LLGL2: variants seen among roughly 807,000 people sequenced by gnomAD.
LLGL2 encodes the protein LLGL scribble cell polarity complex component 2.
LLGL2 carries 81 observed loss-of-function variants against 123.2 expected under a neutral mutation model. The observed-to-expected ratio is 0.66, with a 90% CI of 0.55 to 0.79. LLGL2 has a LOEUF of 0.79. Ranked by LOEUF, LLGL2 falls within the 30% of genes least tolerant of loss-of-function variation. The pLI, the probability that LLGL2 is intolerant of heterozygous loss-of-function variation, is 0.00. For missense variants in LLGL2, 1,273 were observed against 1,414.6 expected, an observed-to-expected ratio of 0.90 and a Z score of 1.61; for synonymous variants, 577 against 594.1, an observed-to-expected ratio of 0.97 and a Z score of 0.42.
At chr17:75,553,912 G>A (rs1360867244) in intron 2 of LLGL2, among the ~76,000 whole-genome samples, 3 of 152,086 alleles carry the variant, frequency 2.0e-5, no homozygotes, top group African/African-American at 7.2e-5. Flanking sequence ...CATGGTTGTT[G>A]GATTGCAAAC....
At position 75,544,728 on chromosome 17, in the gene LLGL2, G is replaced by T. The variant is rs2054351139; in HGVS notation, c.75+1227G>T. ...AGGGACCTCCCTGACCTCCCCGTTG[G>T]GAGAGGTGGGTCAGCGCTCCCAATG... On this transcript the variant is annotated intron_variant, in intron 2 of 25. Coordinates refer to ENST00000392550, the MANE Select transcript of LLGL2 (RefSeq NM_001031803.2). The surrounding 1 kb of genome is among the most constrained non-coding windows in gnomAD (Gnocchi z 4.2). Among the ~76,000 whole-genome samples the T allele has an allele frequency of 6.6e-6, 1 of 152,170 alleles. No individual in the cohort carries two copies. Among genetic ancestry groups the T allele is most frequent in the African/African-American group, 2.4e-5 (1 of 41,450 alleles).
intron 1 of LLGL2, among the ~76,000 whole-genome samples, chr17:75,537,549 T>C (rs1283424255): frequency 6.6e-6 from 1 of 151,942 alleles, no homozygotes; most frequent in African/African-American, 2.4e-5. Context: ...AACAAAAAAA[T>C]TAGCCAGGCA....
rs753674832 is a variant in LLGL2, at chr17:75,558,288, C to T, written c.255+52C>T. On this transcript the variant is annotated intron_variant, in intron 4 of 25. Transcript: ENST00000392550. This position sits in a 1 kb window ranked among gnomAD's most constrained non-coding sequence, Gnocchi z 4.0. ...GCCACTTCCATGCCCTCCTTGCCTTCACTGCTTCCAGCAGGGCTGGTGTGG... is the reference window on the plus strand; with the variant it reads ...GCCACTTCCATGCCCTCCTTGCCTTTACTGCTTCCAGCAGGGCTGGTGTGG... The T allele has an allele frequency of 4.6e-6, 7 of 1,529,780 alleles. No homozygotes were observed. Among genetic ancestry groups the T allele is most frequent in the Non-Finnish European group, 6.3e-6 (7 of 1,112,660 alleles). The allele number at this position is 1,529,780 out of a possible 1,614,324, so 94.8% of individuals were successfully genotyped here.
chr17:75,532,055 T>TACAC (rs10526094), intron 1 of LLGL2, among the ~76,000 whole-genome samples: 24 of 93,754 alleles, frequency 2.6e-4, no homozygotes, highest in East Asian at 5.1e-4. Context: ...TATGTATATA[T>TACAC]ACACACACAC....
chr17:75,554,986 T>C (rs778432001), intron 2 of LLGL2, among the ~76,000 whole-genome samples: 1 of 149,218 alleles, frequency 6.7e-6, no homozygotes, highest in Non-Finnish European at 1.5e-5. Context: ...GGTCAGGAGA[T>C]AGAGACACGG....
intron 16 of LLGL2, 26 bp from the exon 17 acceptor site, chr17:75,570,924 C>A (rs932862689): frequency 1.3e-6 from 2 of 1,590,596 alleles, no homozygotes; most frequent in African/African-American, 2.7e-5. Flanking sequence ...CCAGAGCTGA[C>A]CCTTAGGCTG....
At chr17:75,543,547 A>G in intron 2 of LLGL2, 46 bp downstream of exon 2, 1 of 1,558,308 alleles carries the variant, frequency 6.4e-7, no homozygotes, top group Non-Finnish European at 8.8e-7. Context: ...TTTTCGGCCA[A>G]GCAGCTCAGG....
At position 75,571,989 on chromosome 17, in the gene LLGL2, G is replaced by A. The variant is rs190837527; in HGVS notation, c.2385G>A (p.Val795=). The A allele has an allele frequency of 4.5e-5, 72 of 1,612,886 alleles. No homozygotes were observed. In the African/African-American group the frequency reaches 8.3e-4, roughly 19 times the overall value. ...TACCCCTTCCCGAGCCCCTCGAAGT[G>A]GCCCATGATCTGTCGAAGAGCCCTG... ...HSVPLPEPLE[V]AHDLSKSPDM... The change falls in exon 19 of 26, where the codon GTG becomes GTA. Residue 795 remains valine, a synonymous_variant. Transcript: ENST00000392550.
rs980269528 is a variant in LLGL2 at position 75,559,790 on chromosome 17, G to A, written c.530+380G>A. ...GGCAGCTCCTGGTGCCACCCTTTGC[G>A]GTGGGTACTTTGCTGAGGTTCCATT... is the stretch of plus-strand genomic sequence containing the variant. On this transcript the variant is annotated intron_variant, in intron 6 of 25. Coordinates refer to ENST00000392550, the MANE Select transcript of LLGL2 (RefSeq NM_001031803.2). This position sits in a 1 kb window ranked among gnomAD's most constrained non-coding sequence, Gnocchi z 4.6. 2.0e-5 allele frequency among the ~76,000 whole-genome samples: 3 copies of A among 152,302 alleles called. No individual in the cohort carries two copies. The South Asian group carries it at 6.2e-4, about 32-fold the overall frequency.
chr17:75,529,028 C>A (rs975648613), intron 1 of LLGL2, among the ~76,000 whole-genome samples: 6 of 143,398 alleles, frequency 4.2e-5, no homozygotes, highest in African/African-American at 1.5e-4. Context: ...TGGTGGTGAG[C>A]GCCTGTAATC....
Position 75,558,620 on chromosome 17 carries a change from CCCCCAGGG to C in LLGL2, c.365_371+1del. ...GGATGAGAGCTTCACACTGCGTGGACCCCCAGGGTAAGGGCTCAATCCCCAGCCCCTTC... is the reference window on the plus strand; with the variant it reads ...GGATGAGAGCTTCACACTGCGTGGACTAAGGGCTCAATCCCCAGCCCCTTC... On this transcript the variant is annotated splice_donor_variant and coding_sequence_variant, in exon 5 of 26. Transcript: ENST00000392550. LOFTEE classifies it high-confidence loss of function. This position sits in a 1 kb window ranked among gnomAD's most constrained non-coding sequence, Gnocchi z 4.0. 6.2e-7 allele frequency: 1 copy of C among 1,601,220 alleles called. No individual in the cohort carries two copies. Among genetic ancestry groups the C allele is most frequent in the Non-Finnish European group, 8.5e-7 (1 of 1,174,092 alleles).
chr17:75,570,209 G>A lies in LLGL2; in HGVS notation c.1828G>A (p.Gly610Ser). 6.3e-7 allele frequency: 1 copy of A among 1,598,326 alleles called. No homozygotes were observed. The highest frequency in any genetic ancestry group is 8.5e-7 in the Non-Finnish European group (1 of 1,173,928). The change falls in exon 15 of 26, where the codon GGC becomes AGC. Residue 610 changes from glycine to serine, a missense_variant. Coordinates refer to ENST00000392550, the MANE Select transcript of LLGL2 (RefSeq NM_001031803.2). The part of the protein sequence containing the change: ...WRLVAFGTSH[G>S]FGLFDHQQRR... ...GCTCGTGGCCTTCGGCACCAGCCAT[G>A]GCTTTGGCCTCTTTGACCACCAGCA... is the stretch of plus-strand genomic sequence containing the variant.
chr17:75,548,385 C>A (rs975847369), intron 2 of LLGL2, among the ~76,000 whole-genome samples: 1 of 151,194 alleles, frequency 6.6e-6, no homozygotes, highest in East Asian at 2.0e-4. Flanking sequence ...TCAAGGGATT[C>A]TCCAGCCTCA....
At chr17:75,528,282 A>AT (rs2053645543) in intron 1 of LLGL2, among the ~76,000 whole-genome samples, 1 of 151,714 alleles carries the variant, frequency 6.6e-6, no homozygotes. Flanking sequence ...CGCCCGGCTA[A>AT]TTTTTTGTAT....
chr17:75,567,942 C>CAA lies in LLGL2; in HGVS notation c.1037-534_1037-533insAA, dbSNP rs1291338961. ...GGCGACAGAGTGTGAAACCCTGTCT[C>CAA]GAGAAAAGAAAAAAAAAAAAAAAGA... On this transcript the variant is annotated intron_variant, in intron 10 of 25. Coordinates refer to ENST00000392550, the MANE Select transcript of LLGL2 (RefSeq NM_001031803.2). 824 of 552,650 alleles carry CAA rather than the reference C, an allele frequency of 1.5e-3. 3 individuals are homozygous for CAA. The highest frequency in any genetic ancestry group is 2.6e-3 in the Admixed American group (39 of 15,236). 34.2% of individuals were successfully genotyped at this position (552,650 alleles called of 1,614,324 possible).
upstream of LLGL2, chr17:75,525,659 C>T (rs966577194): frequency 2.0e-5 from 3 of 150,332 alleles, no homozygotes; most frequent in African/African-American, 7.3e-5. This position sits in a 1 kb window ranked among gnomAD's most constrained non-coding sequence, Gnocchi z 4.8. Context: ...GCAGGCTCGC[C>T]CTTTATGTAA....
intron 2 of LLGL2, among the ~76,000 whole-genome samples, chr17:75,553,816 T>C (rs2054783755): frequency 6.6e-6 from 1 of 152,150 alleles, no homozygotes; most frequent in Admixed American, 6.5e-5. Context: ...ATACCTTTCT[T>C]AACCCACAAT....
intron 23 of LLGL2, 45 bp downstream of exon 23, chr17:75,574,305 A>AT: frequency 9.0e-5 from 50 of 555,076 alleles, no homozygotes; most frequent in Non-Finnish European, 1.3e-4. Flanking sequence ...GGGGTGGGGA[A>AT]GGGGGGTCAG....
At chr17:75,535,359 C>T (rs2053960479) in intron 1 of LLGL2, among the ~76,000 whole-genome samples, 1 of 152,258 alleles carries the variant, frequency 6.6e-6, no homozygotes, top group South Asian at 2.1e-4. Flanking sequence ...TCAGGTGGCA[C>T]GCCCTGAGAG....
Sources: gnomAD v4.1 joint callset for allele counts (sites outside exome capture counted in the v4.1 genomes callset) on GRCh38, gnomAD v4.1.1 for gene constraint, Gnocchi (gnomAD v3.1) non-coding constraint, MANE v1.5 for transcripts, NCBI Gene and HGNC (gene_info 2026-07-23, HGNC 2026-07-21) for gene names.